AGAP1: variants seen among roughly 807,000 people sequenced by gnomAD.
AGAP1 encodes the protein arf-GAP with GTPase, ANK repeat and PH domain-containing protein 1.
AGAP1 carries 29 observed loss-of-function variants against 105.3 expected under a neutral mutation model. That is an observed-to-expected ratio of 0.28 (90% CI 0.21 to 0.38). AGAP1 has a LOEUF of 0.38. Ranked by LOEUF, AGAP1 falls within the 10% of genes least tolerant of loss-of-function variation. AGAP1 has a pLI of 1.00. For missense variants in AGAP1, 998 were observed against 1,165.1 expected (o/e 0.86, Z 2.09); for synonymous variants, 509 against 485.9 (o/e 1.05, Z -0.63).
At chr2:235,694,275 C>T (rs867088068) in intron 1 of AGAP1, among the ~76,000 whole-genome samples, 1 of 149,548 alleles carries the variant, frequency 6.7e-6, no homozygotes, top group Admixed American at 6.6e-5. Flanking sequence ...GTCAGGAGAT[C>T]GAGACCATCC....
At position 235,852,257 on chromosome 2, in the gene AGAP1, T is replaced by C. The variant is rs2048498031; in HGVS notation, c.1051-31088T>C. On this transcript the variant is annotated intron_variant, in intron 9 of 17. Transcript: ENST00000304032. ...CCCAAATTAAAAGATTCACTTAAAATGCAGCAGAGACAAGCGAGGCAGCGG... is the reference window on the plus strand; with the variant it reads ...CCCAAATTAAAAGATTCACTTAAAACGCAGCAGAGACAAGCGAGGCAGCGG... Among the ~76,000 whole-genome samples the C allele has an allele frequency of 2.0e-5, 3 of 152,246 alleles. No homozygotes were observed. In the South Asian group the frequency reaches 6.2e-4, roughly 32 times the overall value.
In AGAP1 at chr2:235,893,649, C is replaced by T. The variant is rs1046133281; in HGVS notation, c.1155+10200C>T. ...CCCCATCTAGTGTACATCATTGCCTCGGGTGAGAATGTCCCTTTCTGCCCC... is the reference window on the plus strand; with the variant it reads ...CCCCATCTAGTGTACATCATTGCCTTGGGTGAGAATGTCCCTTTCTGCCCC... On this transcript the variant is annotated intron_variant, in intron 10 of 17. Transcript: ENST00000304032. The surrounding 1 kb of genome is among the most constrained non-coding windows in gnomAD (Gnocchi z 4.7). Among the ~76,000 whole-genome samples the T allele has an allele frequency of 1.3e-5, 2 of 152,044 alleles. No homozygotes were observed. The highest frequency in any genetic ancestry group is 1.9e-4 in the East Asian group (1 of 5,184).
At chr2:235,910,359 T>C (rs1216694449) in intron 11 of AGAP1, among the ~76,000 whole-genome samples, 1 of 16,142 alleles carries the variant, frequency 6.2e-5, no homozygotes, top group African/African-American at 3.8e-4. Context: ...CTGTTGTTTC[T>C]AATCAAAGTT....
intron 1 of AGAP1, among the ~76,000 whole-genome samples, chr2:235,641,587 G>A (rs1316929226): frequency 1.3e-5 from 2 of 152,182 alleles, no homozygotes; most frequent in East Asian, 3.9e-4. Flanking sequence ...ACGCGGCTGT[G>A]CCTCTCACTC....
intron 1 of AGAP1, among the ~76,000 whole-genome samples, chr2:235,683,452 A>C (rs1330033483): frequency 6.6e-6 from 1 of 151,112 alleles, no homozygotes; most frequent in African/African-American, 2.4e-5. Context: ...TGTATAATTT[A>C]TAAATATTAT....
Position 235,930,681 on chromosome 2 carries a change from G to A in AGAP1, c.1325-84G>A. 4 of 1,411,466 alleles carry A rather than the reference G, an allele frequency of 2.8e-6. 1 individual carries two copies. The South Asian group carries it at 5.3e-5, about 19-fold the overall frequency. The allele number at this position is 1,411,466 out of a possible 1,614,324, so 87.4% of individuals were successfully genotyped here. On this transcript the variant is annotated intron_variant, in intron 11 of 17. Transcript: ENST00000304032. The surrounding 1 kb of genome is among the most constrained non-coding windows in gnomAD (Gnocchi z 7.9). ...CGGTGGTAAGGTGCACTATGTGCCA[G>A]CGTGTGGGTCCCATAGACTAACTCG...
In AGAP1 at chr2:235,919,614, ACCTGCT is replaced by A. The variant is rs1236598464; in HGVS notation, c.1324+10713_1324+10718del. 6.6e-6 allele frequency among the ~76,000 whole-genome samples: 1 copy of A among 152,186 alleles called. No individual in the cohort carries two copies. The highest frequency in any genetic ancestry group is 2.4e-5 in the African/African-American group (1 of 41,446). On this transcript the variant is annotated intron_variant, in intron 11 of 17. Transcript: ENST00000304032. The surrounding 1 kb of genome is among the most constrained non-coding windows in gnomAD (Gnocchi z 4.1). ...CTTCTCAGGATAGAGCTGTGGGGCC[ACCTGCT>A]CCTGGAAGGGGACTGTAAAATTCAG...
intron 16 of AGAP1, among the ~76,000 whole-genome samples, chr2:236,084,147 C>G (rs1448332576): frequency 6.6e-6 from 1 of 151,668 alleles, no homozygotes; most frequent in African/African-American, 2.4e-5. Context: ...TCCCTCCTGT[C>G]TTGGAGTGGG....
Position 235,750,976 on chromosome 2 carries a change from C to T in AGAP1, c.673+488C>T, listed in dbSNP as rs936487772. On this transcript the variant is annotated intron_variant, in intron 6 of 17. Coordinates refer to ENST00000304032, the MANE Select transcript of AGAP1 (RefSeq NM_001037131.3). The surrounding 1 kb of genome is among the most constrained non-coding windows in gnomAD (Gnocchi z 5.3). ...AATAATAAAATGACACGATACCACT[C>T]ACAGCAGAGGGTGAGGACCAGCCTT... Among the ~76,000 whole-genome samples the T allele has an allele frequency of 2.6e-5, 4 of 152,186 alleles. No homozygotes were observed. The highest frequency in any genetic ancestry group is 9.7e-5 in the African/African-American group (4 of 41,424).
intron 11 of AGAP1, among the ~76,000 whole-genome samples, chr2:235,911,903 C>A (rs1212836232): frequency 6.6e-6 from 1 of 152,238 alleles, no homozygotes; most frequent in Non-Finnish European, 1.5e-5. Context: ...GAGGTATGAC[C>A]TTAGCACAGA....
At chr2:235,727,536 T>C (rs528977935) in intron 3 of AGAP1, among the ~76,000 whole-genome samples, 2 of 152,326 alleles carry the variant, frequency 1.3e-5, no homozygotes, top group African/African-American at 4.8e-5. Context: ...CTCTGACATT[T>C]TCAGGCAAGT....
intron 1 of AGAP1, among the ~76,000 whole-genome samples, chr2:235,530,146 G>A (rs1305544579): frequency 6.6e-6 from 1 of 152,166 alleles, no homozygotes; most frequent in African/African-American, 2.4e-5. Context: ...CAAGACGTGG[G>A]TCTTGGAGCT....
At position 235,953,048 on chromosome 2, in the gene AGAP1, C is replaced by T. The variant is rs1233867560; in HGVS notation, c.1484-15414C>T. 6.6e-6 allele frequency among the ~76,000 whole-genome samples: 1 copy of T among 152,218 alleles called. No homozygotes were observed. Among genetic ancestry groups the T allele is most frequent in the South Asian group, 2.1e-4 (1 of 4,834 alleles). On this transcript the variant is annotated intron_variant, in intron 12 of 17. Transcript: ENST00000304032. This position sits in a 1 kb window ranked among gnomAD's most constrained non-coding sequence, Gnocchi z 5.2. ...CTTCTGTACGAGGCACCTGACACCA[C>T]GATGCTATCACCATCCTCGCTGACT...
At chr2:235,807,161 A>T in intron 8 of AGAP1, 78 bp from the exon 9 acceptor site, 1 of 1,428,892 alleles carries the variant, frequency 7.0e-7, no homozygotes, top group Admixed American at 2.1e-5. Context: ...TATTGGCAGG[A>T]ATTCTGCAAA....
chr2:235,521,186 G>A (rs900319710), intron 1 of AGAP1, among the ~76,000 whole-genome samples: 1 of 151,888 alleles, frequency 6.6e-6, no homozygotes, highest in African/African-American at 2.4e-5. Flanking sequence ...TCCTCTTTAG[G>A]GTGTATCTCA....
chr2:236,122,890 G>A (rs1202099904), intron 17 of AGAP1, among the ~76,000 whole-genome samples: 1 of 151,970 alleles, frequency 6.6e-6, no homozygotes, highest in Non-Finnish European at 1.5e-5. Context: ...TCACCATGTT[G>A]GTCAGTCTGG....
rs2048667905 is a variant in AGAP1 at position 235,855,951 on chromosome 2, T to C, written c.1051-27394T>C. Among the ~76,000 whole-genome samples the C allele has an allele frequency of 6.6e-6, 1 of 152,134 alleles. No individual in the cohort carries two copies. The highest frequency in any genetic ancestry group is 6.5e-5 in the Admixed American group (1 of 15,268). ...TCTTTTGAGATGGAGTCTCGCTCTG[T>C]CACCCAGGCTGGAGTGCAATGGCAT... On this transcript the variant is annotated intron_variant, in intron 9 of 17. Coordinates refer to ENST00000304032, the MANE Select transcript of AGAP1 (RefSeq NM_001037131.3). The surrounding 1 kb of genome is among the most constrained non-coding windows in gnomAD (Gnocchi z 5.0).
At chr2:235,757,934 C>G (rs1954067734) in intron 6 of AGAP1, among the ~76,000 whole-genome samples, 1 of 152,002 alleles carries the variant, frequency 6.6e-6, no homozygotes, top group Non-Finnish European at 1.5e-5. Context: ...GCCTCTTCTC[C>G]TGGGTCCTGC....
intron 9 of AGAP1, among the ~76,000 whole-genome samples, chr2:235,810,132 G>A (rs559987221): frequency 1.3e-5 from 2 of 152,256 alleles, no homozygotes; most frequent in African/African-American, 2.4e-5. Flanking sequence ...AGTGAACCAC[G>A]ACCTGAGACA....
Sources: allele counts gnomAD v4.1 joint callset (sites outside exome capture counted in the v4.1 genomes callset), GRCh38; gene constraint gnomAD v4.1.1; non-coding constraint Gnocchi (gnomAD v3.1); transcripts MANE v1.5; gene names NCBI Gene and HGNC (gene_info 2026-07-23, HGNC 2026-07-21).